The following SEC22A variants were observed in gnomAD, a reference collection of about 807,000 sequenced individuals.
The protein encoded by SEC22A is vesicle-trafficking protein SEC22a.
SEC22A carries 22 observed loss-of-function variants against 35.3 expected under a neutral mutation model. That is an observed-to-expected ratio of 0.62 (90% CI 0.45 to 0.89). The LOEUF (loss-of-function observed/expected upper bound fraction) is 0.89, where lower values mean the gene tolerates loss of function less well. Ranked by LOEUF, SEC22A falls within the 40% of genes least tolerant of loss-of-function variation. The probability of loss-of-function intolerance (pLI) is 0.00; values close to 1 mark genes in which losing one functional copy is unlikely to be tolerated. For synonymous variants in SEC22A, 119 were observed against 129.5 expected (o/e 0.92, Z 0.55); for missense variants, 354 against 362.5 (o/e 0.98, Z 0.19).
intron 5 of SEC22A, among the ~76,000 whole-genome samples, chr3:123,254,116 T>C (rs1490153353): frequency 6.6e-6 from 1 of 152,216 alleles, no homozygotes; most frequent in Non-Finnish European, 1.5e-5. Flanking sequence ...CTAATTATTA[T>C]AAACATTTTA....
At chr3:123,229,378 C>A (rs1292328309) in intron 4 of SEC22A, among the ~76,000 whole-genome samples, 1 of 152,032 alleles carries the variant, frequency 6.6e-6, no homozygotes, top group Non-Finnish European at 1.5e-5. Context: ...TTAGCAGAAC[C>A]AATAGAGACT....
In SEC22A at chr3:123,223,686, A is replaced by T. The variant is rs1293305859; in HGVS notation, c.310A>T (p.Asn104Tyr). 4 of 1,613,568 alleles carry T rather than the reference A, an allele frequency of 2.5e-6. No homozygotes were observed. The East Asian group carries it at 6.7e-5, about 27-fold the overall frequency. The change falls in exon 3 of 7, where the codon AAT (asparagine) becomes TAT (tyrosine). Residue 104 changes from asparagine (N) to tyrosine (Y), a missense_variant. Coordinates refer to ENST00000492595, the MANE Select transcript of SEC22A (RefSeq NM_012430.5). Reference sequence around the variant, plus strand: ...TACTACTTATAACATGATGAAGACAAATACTGCTGTCAGACCATACTGTTT... The same window carrying T: ...TACTACTTATAACATGATGAAGACATATACTGCTGTCAGACCATACTGTTT... ...FITTYNMMKT[N>Y]TAVRPYCFIE... is the part of the protein sequence containing the mutation.
rs1263432891 is a variant in SEC22A, at chr3:123,271,702, G to T, written c.904G>T (p.Ala302Ser). 6.2e-7 allele frequency: 1 copy of T among 1,614,068 alleles called. No homozygotes were observed. Among genetic ancestry groups the T allele is most frequent in the Non-Finnish European group, 8.5e-7 (1 of 1,179,934 alleles). The change falls in exon 7 of 7, where the codon GCT (alanine) becomes TCT (serine). Residue 302 changes from alanine (A) to serine (S), a missense_variant. By Grantham distance (99) the Ala-to-Ser change is moderately conservative. Coordinates refer to ENST00000492595, the MANE Select transcript of SEC22A (RefSeq NM_012430.5). ...QIWLRQAQGK[A>S]PDYDV ...CTGGCTAAGGCAAGCCCAGGGCAAG[G>T]CTCCCGATTATGATGTCTGACACCA...
At chr3:123,258,933 T>G (rs760257393) in intron 5 of SEC22A, among the ~76,000 whole-genome samples, 7 of 152,218 alleles carry the variant, frequency 4.6e-5, no homozygotes, top group Non-Finnish European at 8.8e-5. Context: ...AGACATTCTA[T>G]GCATGAGGTA....
chr3:123,260,347 CAAGG>C (rs1402170969), intron 6 of SEC22A, among the ~76,000 whole-genome samples: 1 of 151,696 alleles, frequency 6.6e-6, no homozygotes, highest in East Asian at 1.9e-4. Context: ...AGACTGGAAG[CAAGG>C]AAATTGGTTT....
chr3:123,208,770 T>C (rs1186541384), intron 1 of SEC22A: 2 of 174,780 alleles, frequency 1.1e-5, no homozygotes, highest in African/African-American at 4.8e-5. Flanking sequence ...AAGTGAAGCA[T>C]AGTATGTTGT....
intron 4 of SEC22A, among the ~76,000 whole-genome samples, chr3:123,227,920 G>T (rs1429489409): frequency 2.0e-5 from 3 of 149,344 alleles, no homozygotes; most frequent in African/African-American, 7.5e-5. Context: ...CTGCACTCCA[G>T]CCTGGGTGAC....
chr3:123,244,492 A>G (rs1310304583), intron 4 of SEC22A, among the ~76,000 whole-genome samples: 2 of 152,222 alleles, frequency 1.3e-5, no homozygotes, highest in Non-Finnish European at 2.9e-5. Flanking sequence ...CTTGGAAGCA[A>G]TATTGAATAG....
chr3:123,245,545 A>G (rs1420736302), intron 4 of SEC22A, among the ~76,000 whole-genome samples: 1 of 151,910 alleles, frequency 6.6e-6, no homozygotes, highest in African/African-American at 2.4e-5. Context: ...CAATTCAAGA[A>G]AAAATTAGCC....
chr3:123,239,803 CT>C (rs1216974398), intron 4 of SEC22A, among the ~76,000 whole-genome samples: 2 of 152,196 alleles, frequency 1.3e-5, no homozygotes, highest in African/African-American at 4.8e-5. Flanking sequence ...ATGGTAGTGT[CT>C]TTTGCTGTGC....
At position 123,245,927 on chromosome 3, in the gene SEC22A, G is replaced by C; in HGVS notation, c.570G>C (p.Leu190=). The stretch of plus-strand genomic sequence containing the variant: ...ACCAGCGACTGGAACCAGCAACTCT[G>C]TCAGGGATTGTAGGATTTATCCTTA... ...SAHQRLEPAT[L]SGIVGFILSL... is the part of the protein sequence containing the mutation. Residue 190 remains leucine (L), a synonymous_variant, in exon 5 of 7, where the codon CTG becomes CTC. Coordinates refer to ENST00000492595, the MANE Select transcript of SEC22A (RefSeq NM_012430.5). 1.9e-6 allele frequency: 3 copies of C among 1,611,296 alleles called. No homozygotes were observed. Among genetic ancestry groups the C allele is most frequent in the Non-Finnish European group, 2.5e-6 (3 of 1,177,858 alleles).
intron 4 of SEC22A, among the ~76,000 whole-genome samples, chr3:123,229,723 A>G (rs1937280801): frequency 1.3e-5 from 2 of 152,076 alleles, no homozygotes; most frequent in Admixed American, 1.3e-4. Flanking sequence ...TTAGCTGAGC[A>G]TGGTGCCACA....
intron 1 of SEC22A, among the ~76,000 whole-genome samples, chr3:123,205,414 C>G (rs1280287043): frequency 5.3e-5 from 8 of 152,136 alleles, no homozygotes; most frequent in African/African-American, 1.9e-4. Context: ...TGAGGCTGGG[C>G]GCAGTGGCTC....
chr3:123,266,252 G>GTT (rs139345076), intron 6 of SEC22A, among the ~76,000 whole-genome samples: 59 of 151,538 alleles, frequency 3.9e-4, no homozygotes, highest in Non-Finnish European at 8.1e-4. Context: ...TTGTTTTATT[G>GTT]TTTTTTCCTA....
intron 6 of SEC22A, among the ~76,000 whole-genome samples, chr3:123,264,255 T>C (rs1037381059): frequency 3.3e-5 from 5 of 152,262 alleles, no homozygotes; most frequent in Non-Finnish European, 5.9e-5. Context: ...AAATGTTGGC[T>C]GTTATAAAGC....
At chr3:123,214,134 G>A (rs1286469454) in intron 2 of SEC22A, among the ~76,000 whole-genome samples, 1 of 152,220 alleles carries the variant, frequency 6.6e-6, no homozygotes, top group Non-Finnish European at 1.5e-5. Context: ...AGCGGAGGCT[G>A]CAGTGAGCTG....
rs1427876788 is a variant in SEC22A at position 123,272,033 on chromosome 3, A to T, written c.*311A>T. ...CTGAATCCTTCCTGAAGAGTTCAGA[A>T]AATAGATGTGGTATTGCTCTGAGGA... On this transcript the variant is annotated 3_prime_UTR_variant, in exon 7 of 7. Transcript: ENST00000492595. 2 of 336,148 alleles carry T rather than the reference A, an allele frequency of 5.9e-6. No homozygotes were observed. Among genetic ancestry groups the T allele is most frequent in the Non-Finnish European group, 1.1e-5 (2 of 182,418 alleles). The allele number at this position is 336,148 out of a possible 1,614,324, so 20.8% of individuals were successfully genotyped here. A position where few individuals can be genotyped will look rare whatever the true frequency, so the allele number is the denominator to read the frequency against.
rs772299119 is a variant in SEC22A at position 123,271,666 on chromosome 3, A to G, written c.868A>G (p.Thr290Ala). Residue 290 changes from threonine to alanine, a missense_variant, in exon 7 of 7, where the codon ACA becomes GCA. Physicochemically the swap from Thr to Ala is moderately conservative, Grantham distance 58 (BLOSUM62 0). Coordinates refer to ENST00000492595, the MANE Select transcript of SEC22A (RefSeq NM_012430.5). ...TCATGTGACTGTGGGAGCATTTGTT[A>G]CACTACAGATCTGGCTAAGGCAAGC... ...FFHVTVGAFVTLQIWLRQAQG... is the reference protein window; with the variant it reads ...FFHVTVGAFVALQIWLRQAQG... 1 of 1,614,148 alleles carries G rather than the reference A, an allele frequency of 6.2e-7. No homozygotes were observed. The highest frequency in any genetic ancestry group is 8.5e-7 in the Non-Finnish European group (1 of 1,180,020).
rs1936746527 is a variant in SEC22A at position 123,201,943 on chromosome 3, A to G, written c.-63A>G. ...AGGTCCCTCCCAGGCCCCACAATGC[A>G]CTTCGGGGCGCGTCACTCGGAGCGG... On this transcript the variant is annotated 5_prime_UTR_variant, in exon 1 of 7. Coordinates refer to ENST00000492595, the MANE Select transcript of SEC22A (RefSeq NM_012430.5). 1 of 152,574 alleles carries G rather than the reference A, an allele frequency of 6.6e-6. No homozygotes were observed. Among genetic ancestry groups the G allele is most frequent in the Non-Finnish European group, 1.5e-5 (1 of 68,068 alleles). 9.5% of individuals were successfully genotyped at this position (152,574 alleles called of 1,614,324 possible).
Sources: gnomAD v4.1 joint callset for allele counts (sites outside exome capture counted in the v4.1 genomes callset) on GRCh38, gnomAD v4.1.1 for gene constraint, MANE v1.5 for transcripts, NCBI Gene and HGNC (gene_info 2026-07-23, HGNC 2026-07-21) for gene names.